DUSP10: variants seen among roughly 807,000 people sequenced by gnomAD.
DUSP10 encodes the protein dual specificity protein phosphatase 10.
DUSP10 carries 14 observed loss-of-function variants against 30.8 expected under a neutral mutation model. The observed-to-expected ratio is 0.46, with a 90% CI of 0.30 to 0.71. The LOEUF (loss-of-function observed/expected upper bound fraction) is 0.71. DUSP10 is among the 30% of genes least tolerant of loss of function. The probability of loss-of-function intolerance (pLI) is 0.08; values close to 1 mark genes in which losing one functional copy is unlikely to be tolerated. For missense variants in DUSP10, 550 were observed against 619.4 expected, an observed-to-expected ratio of 0.89 and a Z score of 1.19; for synonymous variants, 254 against 250.4, an observed-to-expected ratio of 1.01 and a Z score of -0.14.
At chr1:221,736,350 A>C (rs1361876723) in intron 2 of DUSP10, among the ~76,000 whole-genome samples, 1 of 152,236 alleles carries the variant, frequency 6.6e-6, no homozygotes, top group Non-Finnish European at 1.5e-5. Context: ...ACAAGCCTTT[A>C]GAAGTTTCCT....
chr1:221,717,515 A>G (rs987264595), intron 2 of DUSP10, among the ~76,000 whole-genome samples: 3 of 151,986 alleles, frequency 2.0e-5, no homozygotes, highest in African/African-American at 7.3e-5. Context: ...ATTTACATAC[A>G]CTCCAAATCC....
In DUSP10 at chr1:221,703,421, G is replaced by C. The variant is rs963024743; in HGVS notation, c.1184-744C>G. 2.0e-5 allele frequency among the ~76,000 whole-genome samples: 3 copies of C among 152,152 alleles called. No individual in the cohort carries two copies. In the East Asian group the frequency reaches 5.8e-4, roughly 29 times the overall value. On this transcript the variant is annotated intron_variant, in intron 3 of 3. Coordinates refer to ENST00000366899, the MANE Select transcript of DUSP10 (RefSeq NM_007207.6). Reference sequence around the variant, plus strand: ...TTTAGTCTTACTAAACCCTGATTAAGGTTAAAGGAATAAAGCTTAACTAGG... The same window carrying C: ...TTTAGTCTTACTAAACCCTGATTAACGTTAAAGGAATAAAGCTTAACTAGG...
chr1:221,720,780 T>G (rs1661259994), intron 2 of DUSP10, among the ~76,000 whole-genome samples: 1 of 152,230 alleles, frequency 6.6e-6, no homozygotes, highest in Non-Finnish European at 1.5e-5. Flanking sequence ...AGATGTGTTC[T>G]CAGAAAAGTC....
chr1:221,707,381 G>T (rs1660799172), intron 2 of DUSP10, among the ~76,000 whole-genome samples: 1 of 152,158 alleles, frequency 6.6e-6, no homozygotes, highest in Non-Finnish European at 1.5e-5. Flanking sequence ...CAGCGCGGTT[G>T]CTTACTCCTC....
intron 2 of DUSP10, among the ~76,000 whole-genome samples, chr1:221,710,955 G>T (rs1036247597): frequency 6.6e-6 from 1 of 152,128 alleles, no homozygotes; most frequent in African/African-American, 2.4e-5. Context: ...GCGGGGTGGG[G>T]GGGCAGCAAA....
chr1:221,709,719 A>C (rs1455519898), intron 2 of DUSP10, among the ~76,000 whole-genome samples: 1 of 152,100 alleles, frequency 6.6e-6, no homozygotes, highest in Non-Finnish European at 1.5e-5. Flanking sequence ...AGAAGTCTGC[A>C]GGAAGGATTG....
In DUSP10 at chr1:221,702,335, G is replaced by A. The variant is rs1373819490; in HGVS notation, c.*77C>T. On this transcript the variant is annotated 3_prime_UTR_variant, in exon 4 of 4. Transcript: ENST00000366899. The surrounding 1 kb of genome is among the most constrained non-coding windows in gnomAD (Gnocchi z 4.5). Reference sequence around the variant, plus strand: ...TCCCAACTACAAAAAAAAAAAGAAAGAAAAAAAACCAGAATCCATCCTCCT... The same window carrying A: ...TCCCAACTACAAAAAAAAAAAGAAAAAAAAAAAACCAGAATCCATCCTCCT... 14 of 1,492,176 alleles carry A rather than the reference G, an allele frequency of 9.4e-6. No homozygotes were observed. The African/African-American group carries it at 1.1e-4, about 12-fold the overall frequency. 92.4% of individuals were successfully genotyped at this position (1,492,176 alleles called of 1,614,324 possible).
In DUSP10 at chr1:221,702,073, C is replaced by T. The variant is rs552547013; in HGVS notation, c.*339G>A. On this transcript the variant is annotated 3_prime_UTR_variant, in exon 4 of 4. Coordinates refer to ENST00000366899, the MANE Select transcript of DUSP10 (RefSeq NM_007207.6). The surrounding 1 kb of genome is among the most constrained non-coding windows in gnomAD (Gnocchi z 4.5). ...ATTGGTTTAAAGTGTGTAGTATCTT[C>T]GGTCTATGAACCTGCACAGACTATT... is the stretch of plus-strand genomic sequence containing the variant. 13 of 225,960 alleles carry T rather than the reference C, an allele frequency of 5.8e-5. No individual in the cohort carries two copies. Among genetic ancestry groups the T allele is most frequent in the South Asian group, 4.1e-4 (6 of 14,774 alleles). 14.0% of individuals were successfully genotyped at this position (225,960 alleles called of 1,614,324 possible).
At chr1:221,725,886 C>T (rs183430331) in intron 2 of DUSP10, among the ~76,000 whole-genome samples, 1 of 152,198 alleles carries the variant, frequency 6.6e-6, no homozygotes, top group African/African-American at 2.4e-5. Context: ...GGGAGTGACT[C>T]ATATTTATGA....
chr1:221,736,572 T>C (rs11118843), intron 2 of DUSP10, among the ~76,000 whole-genome samples: 4,443 of 152,262 alleles, frequency 0.029, 206 homozygotes, highest in African/African-American at 0.1. Context: ...CTTTGGGGAA[T>C]GCCCACCCCG....
rs1001191714 is a variant in DUSP10 at position 221,702,578 on chromosome 1, C to T, written c.1283G>A (p.Arg428Gln). 5.6e-6 allele frequency: 9 copies of T among 1,613,946 alleles called. No homozygotes were observed. The highest frequency in any genetic ancestry group is 3.3e-5 in the Admixed American group (2 of 59,980). ...IVIAYLMKHT[R>Q]MTMTDAYKFV... ...TTTATAAGCATCAGTCATGGTCATC[C>T]GAGTGTGCTTCATCAAGTAAGCGAT... The change falls in exon 4 of 4, where the codon CGG becomes CAG. Residue 428 changes from arginine to glutamine, a missense_variant. Transcript: ENST00000366899. This position sits in a 1 kb window ranked among gnomAD's most constrained non-coding sequence, Gnocchi z 4.5.
chr1:221,706,516 A>ATTCTCTGCCAGCTCT lies in DUSP10; in HGVS notation c.812-51_812-50insAGAGCTGGCAGAGAA. 1 of 1,393,590 alleles carries ATTCTCTGCCAGCTCT rather than the reference A, an allele frequency of 7.2e-7. No homozygotes were observed. Among genetic ancestry groups the ATTCTCTGCCAGCTCT allele is most frequent in the Non-Finnish European group, 9.4e-7 (1 of 1,061,938 alleles). The allele number at this position is 1,393,590 out of a possible 1,614,324, so 86.3% of individuals were successfully genotyped here. A position where few individuals can be genotyped will look rare whatever the true frequency, so the allele number is the denominator to read the frequency against. On this transcript the variant is annotated intron_variant, in intron 2 of 3. Transcript: ENST00000366899. This position sits in a 1 kb window ranked among gnomAD's most constrained non-coding sequence, Gnocchi z 4.6. ...GTGTGACTGAGATTTCAGAGCTGGCAGAGAATGCCACCTCCCCATTAGAAT... is the reference window on the plus strand; with the variant it reads ...GTGTGACTGAGATTTCAGAGCTGGCATTCTCTGCCAGCTCTGAGAATGCCACCTCCCCATTAGAAT...
At chr1:221,722,939 T>C (rs1445746580) in intron 2 of DUSP10, among the ~76,000 whole-genome samples, 1 of 152,180 alleles carries the variant, frequency 6.6e-6, no homozygotes, top group Non-Finnish European at 1.5e-5. Context: ...ACCTTGTTTA[T>C]GAAATGTAAT....
chr1:221,720,030 CTTTGCAT>C (rs1439487508), intron 2 of DUSP10, among the ~76,000 whole-genome samples: 1 of 152,196 alleles, frequency 6.6e-6, no homozygotes, highest in African/African-American at 2.4e-5. Flanking sequence ...ACTTCCAGGC[CTTTGCAT>C]TTGCTGTTCC....
At chr1:221,723,811 A>G (rs1661344860) in intron 2 of DUSP10, among the ~76,000 whole-genome samples, 1 of 152,204 alleles carries the variant, frequency 6.6e-6, no homozygotes, top group Non-Finnish European at 1.5e-5. Context: ...AGGAAGTTTA[A>G]CTGAGCTTTG....
intron 2 of DUSP10, among the ~76,000 whole-genome samples, chr1:221,713,327 G>A (rs1204364512): frequency 6.6e-6 from 1 of 152,104 alleles, no homozygotes; most frequent in Non-Finnish European, 1.5e-5. Context: ...GTGGGGGTTG[G>A]GGCTGGTGGT....
intron 2 of DUSP10, among the ~76,000 whole-genome samples, chr1:221,721,548 C>G (rs12041033): frequency 0.012 from 1,775 of 152,268 alleles, 51 homozygotes; most frequent in East Asian, 0.062. Flanking sequence ...GGGCTGAGTA[C>G]ACTTATGAGG....
intron 2 of DUSP10, among the ~76,000 whole-genome samples, chr1:221,726,960 G>A (rs887235822): frequency 6.6e-6 from 1 of 152,104 alleles, no homozygotes; most frequent in Non-Finnish European, 1.5e-5. Flanking sequence ...TAGCTAGTAT[G>A]CATTCGTTAT....
At chr1:221,710,573 A>C (rs1660906233) in intron 2 of DUSP10, among the ~76,000 whole-genome samples, 1 of 152,230 alleles carries the variant, frequency 6.6e-6, no homozygotes, top group Non-Finnish European at 1.5e-5. Context: ...CTATATAAGT[A>C]AACTAATGTT....
Sources: allele counts gnomAD v4.1 joint callset (sites outside exome capture counted in the v4.1 genomes callset), GRCh38; gene constraint gnomAD v4.1.1; non-coding constraint Gnocchi (gnomAD v3.1); transcripts MANE v1.5; gene names NCBI Gene and HGNC (gene_info 2026-07-23, HGNC 2026-07-21).